The following ENOX1 variants were observed in gnomAD, a reference collection of about 807,000 sequenced individuals.
The protein encoded by ENOX1 is candidate growth-related and time keeping constitutive hydroquinone (NADH) oxidase.
Under a neutral mutation model 82.5 loss-of-function variants are expected in ENOX1, and 42 were observed. The ratio of observed to expected loss-of-function variants is 0.51; its 90% CI spans 0.40 to 0.66. The LOEUF is 0.66. Ranked by LOEUF, ENOX1 falls within the 30% of genes least tolerant of loss-of-function variation. ENOX1 has a pLI of 0.00. For missense variants in ENOX1, 608 were observed against 811.6 expected (o/e 0.75, Z 3.05); for synonymous variants, 271 against 282.2 (o/e 0.96, Z 0.40).
chr13:43,647,497 C>T (rs1433941500), intron 2 of ENOX1, among the ~76,000 whole-genome samples: 2 of 152,152 alleles, frequency 1.3e-5, no homozygotes, highest in African/African-American at 4.8e-5. Context: ...TCTAGGCTCA[C>T]TCTGCCATCA....
At chr13:43,487,662 A>C (rs1014545632) in intron 2 of ENOX1, among the ~76,000 whole-genome samples, 1 of 152,208 alleles carries the variant, frequency 6.6e-6, no homozygotes, top group Non-Finnish European at 1.5e-5. Flanking sequence ...CTTAAATTTA[A>C]ATCATAGGGC....
chr13:43,521,113 G>A (rs190439955), intron 2 of ENOX1, among the ~76,000 whole-genome samples: 2 of 152,206 alleles, frequency 1.3e-5, no homozygotes, highest in African/African-American at 4.8e-5. Flanking sequence ...CTCTTATTTG[G>A]AGCTGTGTGA....
At chr13:43,450,134 G>A (rs148993979) in intron 3 of ENOX1, among the ~76,000 whole-genome samples, 2,491 of 152,276 alleles carry the variant, frequency 0.016, 30 homozygotes, top group Non-Finnish European at 0.024. Context: ...GTTCTATGTG[G>A]TTATCCCTGA....
chr13:43,386,186 A>G (rs1400230174), intron 5 of ENOX1, among the ~76,000 whole-genome samples: 1 of 152,060 alleles, frequency 6.6e-6, no homozygotes, highest in East Asian at 1.9e-4. Context: ...CAAACAAACA[A>G]AACTTTCCTT....
chr13:43,763,629 T>C (rs961696936), intron 1 of ENOX1, among the ~76,000 whole-genome samples: 1 of 152,278 alleles, frequency 6.6e-6, no homozygotes. Flanking sequence ...TCAAGCCTCA[T>C]TCACTTCCCA....
At chr13:43,782,155 G>T (rs1350388737) in intron 1 of ENOX1, among the ~76,000 whole-genome samples, 1 of 152,212 alleles carries the variant, frequency 6.6e-6, no homozygotes, top group Non-Finnish European at 1.5e-5. Flanking sequence ...AGTATTGTGT[G>T]TGTTTGCACA....
intron 2 of ENOX1, among the ~76,000 whole-genome samples, chr13:43,635,765 G>GGAGA (rs1231362707): frequency 5.3e-5 from 8 of 151,820 alleles, no homozygotes; most frequent in Non-Finnish European, 1.0e-4. Context: ...TAAAGGAGAG[G>GGAGA]GAGAGAGAGA....
intron 3 of ENOX1, among the ~76,000 whole-genome samples, chr13:43,417,006 G>A (rs974723504): frequency 1.3e-5 from 2 of 152,184 alleles, no homozygotes; most frequent in Non-Finnish European, 1.5e-5. Context: ...GTCAAGAGCT[G>A]GAGACCAGCC....
At chr13:43,611,787 A>T (rs900160506) in intron 2 of ENOX1, among the ~76,000 whole-genome samples, 1 of 152,244 alleles carries the variant, frequency 6.6e-6, no homozygotes, top group Non-Finnish European at 1.5e-5. Context: ...TTGCAAAACA[A>T]GTAAACCTCC....
chr13:43,282,864 G>A (rs1185079860), intron 12 of ENOX1, among the ~76,000 whole-genome samples: 18 of 151,874 alleles, frequency 1.2e-4, no homozygotes, highest in Non-Finnish European at 1.9e-4. Flanking sequence ...AGGCTGAGGC[G>A]GGTAGATCAC....
chr13:43,530,175 A>T (rs1011270302), intron 2 of ENOX1, among the ~76,000 whole-genome samples: 3 of 152,154 alleles, frequency 2.0e-5, no homozygotes, highest in Admixed American at 6.6e-5. Context: ...AACTTTCATA[A>T]ATGGTCTTAT....
intron 2 of ENOX1, among the ~76,000 whole-genome samples, chr13:43,599,580 C>G (rs976052680): frequency 1.3e-5 from 2 of 151,982 alleles, no homozygotes; most frequent in East Asian, 2.0e-4. Flanking sequence ...TCTCAATAAA[C>G]TTGAAGGCAG....
chr13:43,598,499 C>T (rs2081564761), intron 2 of ENOX1, among the ~76,000 whole-genome samples: 1 of 152,154 alleles, frequency 6.6e-6, no homozygotes, highest in South Asian at 2.1e-4. Flanking sequence ...TGGCCATTTT[C>T]CTGAACCTAC....
intron 12 of ENOX1, among the ~76,000 whole-genome samples, chr13:43,277,778 A>C (rs1461105276): frequency 5.9e-5 from 9 of 152,200 alleles, no homozygotes; most frequent in Non-Finnish European, 1.3e-4. Flanking sequence ...CCTGGAATGC[A>C]GTGGGATTTC....
At chr13:43,749,803 G>A (rs1950217663) in intron 1 of ENOX1, among the ~76,000 whole-genome samples, 1 of 152,166 alleles carries the variant, frequency 6.6e-6, no homozygotes, top group Non-Finnish European at 1.5e-5. Flanking sequence ...AAACTATGAA[G>A]CATGTAAAAG....
At chr13:43,330,857 TAC>T (rs1215976723) in intron 9 of ENOX1, among the ~76,000 whole-genome samples, 4 of 152,282 alleles carry the variant, frequency 2.6e-5, no homozygotes, top group African/African-American at 9.6e-5. Flanking sequence ...ATACACACAT[TAC>T]ACACATATAT....
intron 2 of ENOX1, among the ~76,000 whole-genome samples, chr13:43,563,569 A>AAT (rs2079781720): frequency 6.6e-6 from 1 of 152,094 alleles, no homozygotes. Flanking sequence ...AGACAATACA[A>AAT]ATGACTGATG....
intron 2 of ENOX1, among the ~76,000 whole-genome samples, chr13:43,574,523 C>T (rs2080330574): frequency 6.6e-6 from 1 of 152,090 alleles, no homozygotes; most frequent in Admixed American, 6.5e-5. Context: ...GCTTAGAGGA[C>T]ATTAATGGAA....
intron 2 of ENOX1, among the ~76,000 whole-genome samples, chr13:43,590,570 C>T (rs749019899): frequency 9.2e-5 from 14 of 151,616 alleles, no homozygotes; most frequent in Non-Finnish European, 2.1e-4. Context: ...GTCAGGAGAT[C>T]GAGACCATTG....
Sources: allele counts gnomAD v4.1 joint callset (sites outside exome capture counted in the v4.1 genomes callset), GRCh38; gene constraint gnomAD v4.1.1; transcripts MANE v1.5; gene names NCBI Gene and HGNC (gene_info 2026-07-23, HGNC 2026-07-21).